CLSTN2: variants seen among roughly 807,000 people sequenced by gnomAD.
CLSTN2 encodes calsyntenin 2, also known as calsyntenin-2.
CLSTN2 carries 48 observed loss-of-function variants against 101.2 expected under a neutral mutation model. That is an observed-to-expected ratio of 0.47 (90% CI 0.38 to 0.60). The LOEUF is 0.60. CLSTN2 is among the 20% of genes least tolerant of loss of function. The pLI is 0.00. For missense variants in CLSTN2, 1,160 were observed against 1,238.2 expected, an observed-to-expected ratio of 0.94 and a Z score of 0.95; for synonymous variants, 481 against 463.6, an observed-to-expected ratio of 1.04 and a Z score of -0.48.
intron 2 of CLSTN2, among the ~76,000 whole-genome samples, chr3:140,233,854 C>A (rs1457957902): frequency 1.3e-5 from 2 of 152,206 alleles, no homozygotes; most frequent in East Asian, 3.9e-4. Context: ...GTGCTGCAAG[C>A]TGTAGCCTGA....
chr3:140,498,343 C>G (rs974708113), intron 8 of CLSTN2, among the ~76,000 whole-genome samples: 1 of 151,944 alleles, frequency 6.6e-6, no homozygotes, highest in Non-Finnish European at 1.5e-5. Flanking sequence ...AATCAGGGAG[C>G]CCCCCTAATG....
chr3:140,378,685 T>C (rs1291148466), intron 2 of CLSTN2, among the ~76,000 whole-genome samples: 1 of 152,332 alleles, frequency 6.6e-6, no homozygotes. Flanking sequence ...TTTGGATCCT[T>C]GTACTCAGAA....
In CLSTN2 at chr3:139,935,407, C is replaced by T. The variant is rs1216205112; in HGVS notation, c.33C>T (p.Leu11=). The T allele has an allele frequency of 2.5e-5, 31 of 1,230,818 alleles. No individual in the cohort carries two copies. Among genetic ancestry groups the T allele is most frequent in the Non-Finnish European group, 2.9e-5 (29 of 987,116 alleles). 76.2% of individuals were successfully genotyped at this position (1,230,818 alleles called of 1,614,324 possible). The change falls in exon 1 of 17, where the codon CTC becomes CTT. Residue 11 remains leucine (L), a synonymous_variant. Coordinates refer to ENST00000458420, the MANE Select transcript of CLSTN2 (RefSeq NM_022131.3). The surrounding 1 kb of genome is among the most constrained non-coding windows in gnomAD (Gnocchi z 5.5). ...CTGGGCGGCTGTGCTGGGTGCCGCT[C>T]CTGCTGGCGCTGGGCGTGGGGAGCG... is the stretch of plus-strand genomic sequence containing the variant. MLPGRLCWVP[L]LLALGVGSGS... is the part of the protein sequence containing the mutation.
At chr3:140,083,136 T>TAAGAAC (rs1189604313) in intron 1 of CLSTN2, among the ~76,000 whole-genome samples, 2 of 152,214 alleles carry the variant, frequency 1.3e-5, no homozygotes, top group Non-Finnish European at 2.9e-5. Context: ...GCTTCTTGTA[T>TAAGAAC]TCTTCTGTTA....
At chr3:140,034,651 C>T (rs1012413856) in intron 1 of CLSTN2, among the ~76,000 whole-genome samples, 4 of 152,162 alleles carry the variant, frequency 2.6e-5, no homozygotes, top group Non-Finnish European at 2.9e-5. Flanking sequence ...TTCCAGCCTC[C>T]AAAGCTCTGG....
In CLSTN2 at chr3:140,563,217, G is replaced by A; in HGVS notation, c.2482+14G>A. 6.2e-7 allele frequency: 1 copy of A among 1,612,986 alleles called. No individual in the cohort carries two copies. The highest frequency in any genetic ancestry group is 8.5e-7 in the Non-Finnish European group (1 of 1,179,370). On this transcript the variant is annotated intron_variant, in intron 15 of 16. Coordinates refer to ENST00000458420, the MANE Select transcript of CLSTN2 (RefSeq NM_022131.3). ...AGCACAGTTCAGGTAGGGTGCCCAA[G>A]AGGAGGGACCCTCAGGACACAGGTC...
At chr3:140,447,390 T>G (rs13071744) in intron 5 of CLSTN2, among the ~76,000 whole-genome samples, 56,837 of 152,082 alleles carry the variant, frequency 0.37, 12,538 homozygotes, top group Middle Eastern at 0.51. Flanking sequence ...GGCAAACACA[T>G]GTCGTCAGTC....
At position 139,996,888 on chromosome 3, in the gene CLSTN2, A is replaced by G. The variant is rs372712257; in HGVS notation, c.109+61405A>G. Among the ~76,000 whole-genome samples the G allele has an allele frequency of 1.2e-4, 18 of 152,034 alleles. No individual in the cohort carries two copies. In the South Asian group the frequency reaches 3.8e-3, roughly 32 times the overall value. On this transcript the variant is annotated intron_variant, in intron 1 of 16. Transcript: ENST00000458420. ...CATGAAGAAACCCTGTCTCTACTAA[A>G]AATACAAAATTAGCCGGGCGTGGTG...
intron 1 of CLSTN2, among the ~76,000 whole-genome samples, chr3:140,047,653 C>G (rs1273425463): frequency 6.6e-6 from 1 of 152,184 alleles, no homozygotes. Context: ...AGGATCTTCT[C>G]ACTGGTGGGG....
chr3:140,309,442 A>G (rs1363384141), intron 2 of CLSTN2, among the ~76,000 whole-genome samples: 2 of 152,124 alleles, frequency 1.3e-5, no homozygotes, highest in Non-Finnish European at 2.9e-5. Context: ...GGGTGTCTGT[A>G]GAGGAAAAGG....
intron 2 of CLSTN2, among the ~76,000 whole-genome samples, chr3:140,289,119 G>C (rs1010775498): frequency 1.3e-5 from 2 of 152,168 alleles, no homozygotes; most frequent in Admixed American, 6.5e-5. Flanking sequence ...ACTGCTTACT[G>C]TGTGCCAGGC....
chr3:139,942,604 A>C (rs60654569), intron 1 of CLSTN2, among the ~76,000 whole-genome samples: 1,649 of 152,310 alleles, frequency 0.011, 29 homozygotes, highest in African/African-American at 0.035. Flanking sequence ...GCAGATAACC[A>C]GACTGTTGAT....
chr3:140,216,228 A>G (rs2010919674), intron 2 of CLSTN2, among the ~76,000 whole-genome samples: 1 of 151,776 alleles, frequency 6.6e-6, no homozygotes, highest in Middle Eastern at 3.4e-3. Context: ...ACCCCCATCC[A>G]TGGAAAAATT....
chr3:140,260,839 T>C (rs2086644840), intron 2 of CLSTN2, among the ~76,000 whole-genome samples: 1 of 152,190 alleles, frequency 6.6e-6, no homozygotes, highest in Admixed American at 6.5e-5. Flanking sequence ...TTGGTGACCC[T>C]GACAGTTTTG....
At chr3:140,442,637 A>G (rs540261921) in intron 5 of CLSTN2, among the ~76,000 whole-genome samples, 1 of 152,260 alleles carries the variant, frequency 6.6e-6, no homozygotes, top group East Asian at 1.9e-4. Flanking sequence ...ACCTGCATGG[A>G]TTGATCGAGG....
chr3:140,385,382 T>TC (rs2088038984), intron 2 of CLSTN2, among the ~76,000 whole-genome samples: 1 of 126,680 alleles, frequency 7.9e-6, no homozygotes, highest in Non-Finnish European at 1.8e-5. Flanking sequence ...TTTTTTTTTT[T>TC]TTATCTGAGA....
intron 2 of CLSTN2, among the ~76,000 whole-genome samples, chr3:140,238,639 A>G (rs188768513): frequency 7.6e-4 from 116 of 152,306 alleles, no homozygotes; most frequent in African/African-American, 2.7e-3. Flanking sequence ...CTTTTACAAC[A>G]TCCATTGCAG....
At chr3:140,356,778 AAGAAAAATTCCAAACATAC>A (rs1324131687) in intron 2 of CLSTN2, among the ~76,000 whole-genome samples, 1 of 151,290 alleles carries the variant, frequency 6.6e-6, no homozygotes, top group Non-Finnish European at 1.5e-5. Context: ...AAAAAAAAGA[AAGAAAAATTCCAAACATAC>A]AGAACATACA....
At chr3:140,239,935 GTA>G (rs66514214) in intron 2 of CLSTN2, among the ~76,000 whole-genome samples, 144,643 of 149,468 alleles carry the variant, frequency 0.97, 70,150 homozygotes, top group East Asian at 1. Flanking sequence ...ATATATATGT[GTA>G]TATATATATA....
Sources: gnomAD v4.1 joint callset for allele counts (sites outside exome capture counted in the v4.1 genomes callset) on GRCh38, gnomAD v4.1.1 for gene constraint, Gnocchi (gnomAD v3.1) non-coding constraint, MANE v1.5 for transcripts, NCBI Gene and HGNC (gene_info 2026-07-23, HGNC 2026-07-21) for gene names.